Variants in BEAN1 observed in about 807,000 individuals in gnomAD.
BEAN1 encodes protein BEAN1.
In BEAN1, 17 loss-of-function variants were observed where a neutral mutation model predicts 17.7. That is an observed-to-expected ratio of 0.96 (90% confidence interval 0.66 to 1.44). BEAN1 has a LOEUF of 1.44. Among genes scored for constraint, BEAN1 ranks in the 40% most tolerant of loss-of-function variants. The pLI is 0.00. For synonymous variants in BEAN1, 142 were observed against 151.8 expected (o/e 0.94, Z 0.47); for missense variants, 359 against 374.1 (o/e 0.96, Z 0.33).
chr16:66,480,924 G>T lies in BEAN1; in HGVS notation c.779G>T (p.Ter260LeuextTer59). 6.9e-7 allele frequency: 1 copy of T among 1,445,100 alleles called. No homozygotes were observed. Among genetic ancestry groups the T allele is most frequent in the South Asian group, 1.5e-5 (1 of 68,176 alleles). The allele number at this position is 1,445,100 out of a possible 1,614,324, so 89.5% of individuals were successfully genotyped here. ...APASGPERIV[*>L] ...GCCTCTGGCCCAGAGAGGATTGTGT[G>T]AGGGACCCAGCCAGCCGGGTCCTGC... Residue 260 changes from the stop codon to leucine, a stop_lost, in exon 5 of 5, where the codon TGA (stop) becomes TTA (leucine). Coordinates refer to ENST00000536005, the MANE Select transcript of BEAN1 (RefSeq NM_001178020.3).
chr16:66,478,581 G>C (rs368020548), intron 4 of BEAN1, among the ~76,000 whole-genome samples: 12 of 152,284 alleles, frequency 7.9e-5, no homozygotes, highest in African/African-American at 2.9e-4. Flanking sequence ...CAGCCTTAGC[G>C]ACAGAGTGAG....
intron 2 of BEAN1, among the ~76,000 whole-genome samples, chr16:66,468,650 T>C (rs1421139649): frequency 6.6e-6 from 1 of 152,220 alleles, no homozygotes; most frequent in Non-Finnish European, 1.5e-5. Context: ...TCCACCCATC[T>C]GTGAAAGGAG....
At chr16:66,441,420 G>A (rs1962252114) in intron 2 of BEAN1, among the ~76,000 whole-genome samples, 1 of 152,112 alleles carries the variant, frequency 6.6e-6, no homozygotes, top group Non-Finnish European at 1.5e-5. Context: ...TTCCAGATCT[G>A]GAGCTGTTGT....
chr16:66,428,304 CG>C (rs1173809716), intron 1 of BEAN1: 1 of 152,368 alleles, frequency 6.6e-6, no homozygotes, highest in Non-Finnish European at 1.5e-5. Flanking sequence ...GCGTGGGTGG[CG>C]GGGCGCAGGC....
chr16:66,432,289 C>G (rs1961836791), intron 1 of BEAN1, among the ~76,000 whole-genome samples: 2 of 152,132 alleles, frequency 1.3e-5, no homozygotes, highest in Non-Finnish European at 2.9e-5. Context: ...TCCACGCTGG[C>G]CAAGGTATGT....
At chr16:66,446,294 GA>G (rs1449055586) in intron 2 of BEAN1, among the ~76,000 whole-genome samples, 2 of 152,132 alleles carry the variant, frequency 1.3e-5, no homozygotes, top group African/African-American at 4.8e-5. Context: ...ATTTGAAGGT[GA>G]AACTGTTAGG....
At chr16:66,480,481 TC>T (rs1963942607) in intron 4 of BEAN1, 104 bp from the exon 5 acceptor site, 1 of 942,246 alleles carries the variant, frequency 1.1e-6, no homozygotes, top group African/African-American at 1.7e-5. Flanking sequence ...CCCACCCTGG[TC>T]CACAGCCAGG....
intron 2 of BEAN1, among the ~76,000 whole-genome samples, chr16:66,440,431 C>T (rs1441573146): frequency 6.6e-6 from 1 of 152,158 alleles, no homozygotes; most frequent in Non-Finnish European, 1.5e-5. Flanking sequence ...GTGCCTGGCC[C>T]CTGCTGGGTG....
At chr16:66,464,061 G>A (rs532170487) in intron 2 of BEAN1, among the ~76,000 whole-genome samples, 7 of 152,228 alleles carry the variant, frequency 4.6e-5, no homozygotes, top group East Asian at 3.9e-4. Flanking sequence ...CAGGAAATGC[G>A]TCCCCTCCAA....
intron 1 of BEAN1, among the ~76,000 whole-genome samples, chr16:66,430,265 A>G (rs1038990668): frequency 6.6e-6 from 1 of 152,366 alleles, no homozygotes; most frequent in Admixed American, 6.5e-5. Flanking sequence ...CAGTGTCAAC[A>G]TTGTGAACAT....
rs549192044 is a variant in BEAN1 at position 66,461,314 on chromosome 16, C to T, written c.26-8288C>T. Among the ~76,000 whole-genome samples, 3 of 152,274 alleles carry T rather than the reference C, an allele frequency of 2.0e-5. No individual in the cohort carries two copies. The East Asian group carries it at 5.8e-4, about 29-fold the overall frequency. On this transcript the variant is annotated intron_variant, in intron 2 of 4. Transcript: ENST00000536005. ...CCTCATAATTTAAAGCAGCGCCTAC[C>T]TCTGCCGGTTGTGGTGACTGGGAGA... is the stretch of plus-strand genomic sequence containing the variant.
At chr16:66,437,520 A>C in intron 1 of BEAN1, 75 bp from the exon 2 acceptor site, 2 of 826,120 alleles carry the variant, frequency 2.4e-6, no homozygotes, top group South Asian at 3.5e-5. Context: ...AGCTCAGGAG[A>C]TGTGAGCGCC....
chr16:66,484,800 G>C, downstream of BEAN1: 1 of 454,146 alleles, frequency 2.2e-6, no homozygotes, highest in Non-Finnish European at 4.4e-6. This position sits in a 1 kb window ranked among gnomAD's most constrained non-coding sequence, Gnocchi z 4.2. Flanking sequence ...GCACCTCAAA[G>C]TGACGCCCGC....
chr16:66,478,270 C>T (rs558381047), intron 4 of BEAN1, among the ~76,000 whole-genome samples: 11 of 152,272 alleles, frequency 7.2e-5, no homozygotes, highest in South Asian at 2.1e-4. Flanking sequence ...TACTTAATCC[C>T]GCTGTGCCTG....
In BEAN1 at chr16:66,434,975, G is replaced by C. The variant is rs1023988755; in HGVS notation, c.-82-2620G>C. 5.3e-5 allele frequency among the ~76,000 whole-genome samples: 8 copies of C among 152,160 alleles called. No individual in the cohort carries two copies. Among genetic ancestry groups the C allele is most frequent in the Non-Finnish European group, 8.8e-5 (6 of 68,032 alleles). ...ATAATTTAGATCCGGAGTTGTCCTGGAAGGGCACCCAGGTGTGACAGAAAC... is the reference window on the plus strand; with the variant it reads ...ATAATTTAGATCCGGAGTTGTCCTGCAAGGGCACCCAGGTGTGACAGAAAC... On this transcript the variant is annotated intron_variant, in intron 1 of 4. Coordinates refer to ENST00000536005, the MANE Select transcript of BEAN1 (RefSeq NM_001178020.3). This position sits in a 1 kb window ranked among gnomAD's most constrained non-coding sequence, Gnocchi z 4.3.
intron 4 of BEAN1, among the ~76,000 whole-genome samples, chr16:66,490,867 T>G (rs1205323095): frequency 2.0e-5 from 3 of 152,232 alleles, no homozygotes; most frequent in Non-Finnish European, 4.4e-5. Flanking sequence ...TGACAAGCAG[T>G]GGCAGGGCCT....
rs1207753578 is a variant in BEAN1, at chr16:66,480,813, GC to G, written c.674del (p.Pro225HisfsTer54). 3 of 1,541,882 alleles carry G rather than the reference GC, an allele frequency of 1.9e-6. No homozygotes were observed. Among genetic ancestry groups the G allele is most frequent in the Non-Finnish European group, 1.8e-6 (2 of 1,141,502 alleles). The part of the protein sequence containing the change: ...LPPYEAVCGA[G>X]PPSGLLPLPG... ...CCCTACGAGGCTGTGTGCGGGGCTG[GC>G]CCCCCATCAGGCCTGCTGCCACTGC... On this transcript the variant is annotated frameshift_variant, in exon 5 of 5. Coordinates refer to ENST00000536005, the MANE Select transcript of BEAN1 (RefSeq NM_001178020.3). LOFTEE classifies it low-confidence loss of function (END_TRUNC).
intron 3 of BEAN1, among the ~76,000 whole-genome samples, chr16:66,474,618 A>AGGGAGGGAGAG (rs1555520934): frequency 3.4e-4 from 2 of 5,806 alleles, no homozygotes; most frequent in Non-Finnish European, 6.6e-4. Context: ...GGGAGGGAGG[A>AGGGAGGGAGAG]AGGGAGGGAG....
intron 2 of BEAN1, among the ~76,000 whole-genome samples, chr16:66,441,371 G>A (rs560137162): frequency 2.6e-5 from 4 of 152,128 alleles, no homozygotes; most frequent in Non-Finnish European, 5.9e-5. Flanking sequence ...TCCCAGGAGG[G>A]CACTCACATG....
Sources: gnomAD v4.1 joint callset for allele counts (sites outside exome capture counted in the v4.1 genomes callset) on GRCh38, gnomAD v4.1.1 for gene constraint, Gnocchi (gnomAD v3.1) non-coding constraint, MANE v1.5 for transcripts, NCBI Gene and HGNC (gene_info 2026-07-23, HGNC 2026-07-21) for gene names.